Variants in DIAPH2 observed in about 807,000 individuals in gnomAD.
DIAPH2 encodes diaphanous related formin 2.
Under a neutral mutation model 92.7 loss-of-function variants are expected in DIAPH2, and 35 were observed. That is an observed-to-expected ratio of 0.38 (90% CI 0.29 to 0.50). The LOEUF (loss-of-function observed/expected upper bound fraction) is 0.50. DIAPH2 is among the 20% of genes least tolerant of loss of function. The pLI is 0.94. For missense variants in DIAPH2, 701 were observed against 819.5 expected (o/e 0.86, Z 1.77); for synonymous variants, 301 against 280.4 (o/e 1.07, Z -0.73).
At chrX:96,980,561 C>T (rs2065989660) in intron 17 of DIAPH2, among the ~76,000 whole-genome samples, 1 of 110,531 alleles carries the variant, frequency 9.0e-6, no homozygotes, top group Non-Finnish European at 1.9e-5. Context: ...TCACTGTGGG[C>T]CATGGTTCCA....
At chrX:96,812,943 A>C (rs2064697452) in intron 4 of DIAPH2, among the ~76,000 whole-genome samples, 1 of 111,431 alleles carries the variant, frequency 9.0e-6, no homozygotes, top group Non-Finnish European at 1.9e-5. Flanking sequence ...ACTTCCAACT[A>C]TGTGGTCAAT....
intron 4 of DIAPH2, among the ~76,000 whole-genome samples, chrX:96,879,171 T>G (rs1255032023): frequency 8.9e-6 from 1 of 111,777 alleles, no homozygotes; most frequent in African/African-American, 3.3e-5. Flanking sequence ...TAAATTTTCA[T>G]AGAGGTAATA....
At chrX:96,796,955 T>G (rs925792004) in intron 4 of DIAPH2, among the ~76,000 whole-genome samples, 7 of 112,070 alleles carry the variant, frequency 6.2e-5, no homozygotes, top group Non-Finnish European at 9.4e-5. Context: ...CTGAAGAATT[T>G]TCTTTAAGTA....
intron 8 of DIAPH2, 134 bp downstream of exon 8, chrX:96,916,708 T>A: frequency 1.5e-6 from 1 of 666,514 alleles, no homozygotes; most frequent in Non-Finnish European, 2.1e-6. Flanking sequence ...ATTGAAATTT[T>A]TATCTTGCCT....
At chrX:97,167,051 C>T (rs1420922805) in intron 22 of DIAPH2, among the ~76,000 whole-genome samples, 1 of 111,638 alleles carries the variant, frequency 9.0e-6, no homozygotes, top group African/African-American at 3.3e-5. Context: ...ATTCCTCTGC[C>T]ACATAGCGTT....
At chrX:97,146,006 CCT>C (rs1491315287) in intron 22 of DIAPH2, among the ~76,000 whole-genome samples, 4 of 35,872 alleles carry the variant, frequency 1.1e-4, no homozygotes, top group African/African-American at 2.8e-4. Flanking sequence ...TTTTCTTCTT[CCT>C]TTTTTTTTTT....
At chrX:96,962,486 C>CATATATAT (rs1268359722) in intron 16 of DIAPH2, among the ~76,000 whole-genome samples, 10 of 22,770 alleles carry the variant, frequency 4.4e-4, no homozygotes, top group African/African-American at 1.2e-3. Context: ...TATACACACA[C>CATATATAT]ACACACACAC....
intron 16 of DIAPH2, among the ~76,000 whole-genome samples, chrX:96,963,794 C>T (rs1018859635): frequency 9.0e-6 from 1 of 111,043 alleles, no homozygotes; most frequent in African/African-American, 3.3e-5. Flanking sequence ...GATATGAGTG[C>T]CACCTGCCTC....
chrX:96,936,872 G>A (rs1477457523), intron 10 of DIAPH2, among the ~76,000 whole-genome samples: 1 of 112,150 alleles, frequency 8.9e-6, no homozygotes. Context: ...AGAGGCATAT[G>A]TGAATGTTCT....
At chrX:96,713,520 A>C (rs902775787) in intron 1 of DIAPH2, among the ~76,000 whole-genome samples, 25 of 111,655 alleles carry the variant, frequency 2.2e-4, no homozygotes, top group African/African-American at 8.1e-4. Flanking sequence ...TCCATAGTTC[A>C]GGTTCACTCT....
At chrX:97,050,070 T>C (rs1167495283) in intron 17 of DIAPH2, among the ~76,000 whole-genome samples, 1 of 111,402 alleles carries the variant, frequency 9.0e-6, no homozygotes, top group Non-Finnish European at 1.9e-5. Context: ...TATAACATGG[T>C]GACATTTGAT....
At chrX:96,866,239 G>T (rs1217311643) in intron 4 of DIAPH2, among the ~76,000 whole-genome samples, 1 of 111,842 alleles carries the variant, frequency 8.9e-6, no homozygotes, top group Non-Finnish European at 1.9e-5. Context: ...TTAGGATCAT[G>T]CCTCGTTCCT....
At chrX:97,460,909 C>T (rs1411330452) in intron 26 of DIAPH2, among the ~76,000 whole-genome samples, 1 of 112,392 alleles carries the variant, frequency 8.9e-6, no homozygotes, top group Non-Finnish European at 1.9e-5. Flanking sequence ...AGTATATCAA[C>T]TAGCTTGTAT....
At chrX:97,026,763 T>A (rs1602727476) in intron 17 of DIAPH2, among the ~76,000 whole-genome samples, 1 of 104,341 alleles carries the variant, frequency 9.6e-6, no homozygotes, top group Admixed American at 1.0e-4. Context: ...GAAGATAGAG[T>A]TTTTTTTGTT....
chrX:97,577,391 T>TG (rs1341298650), intron 26 of DIAPH2, among the ~76,000 whole-genome samples: 1 of 112,319 alleles, frequency 8.9e-6, no homozygotes, highest in African/African-American at 3.2e-5. Context: ...GCTCATTCTC[T>TG]GCCATCCCAG....
chrX:96,906,083 G>A (rs1361538202), intron 5 of DIAPH2, among the ~76,000 whole-genome samples: 1 of 112,393 alleles, frequency 8.9e-6, no homozygotes, highest in African/African-American at 3.2e-5. Context: ...CAGCCGAGAT[G>A]GTGCCACTGC....
At position 96,685,073 on chromosome X, in the gene DIAPH2, G is replaced by T; in HGVS notation, c.15G>T (p.Gly5=). ...GCCGGAGAAAGATGGAGCAGCCCGGGGCGGCGGCGTCGGGAGCGGGAGGCG... is the reference window on the plus strand; with the variant it reads ...GCCGGAGAAAGATGGAGCAGCCCGGTGCGGCGGCGTCGGGAGCGGGAGGCG... MEQP[G]AAASGAGGGS... is the part of the protein sequence containing the mutation. Residue 5 remains glycine, a synonymous_variant, in exon 1 of 27, where the codon GGG becomes GGT. Transcript: ENST00000324765. The T allele has an allele frequency of 9.9e-7, 1 of 1,005,997 alleles. No individual in the cohort carries two copies. The highest frequency in any genetic ancestry group is 5.2e-5 in the Admixed American group (1 of 19,137). 82.9% of individuals were successfully genotyped at this position (1,005,997 alleles called of 1,213,427 possible).
rs772104104 is a variant in DIAPH2, at chrX:97,181,661, C to T, written c.2719+39867C>T. On this transcript the variant is annotated intron_variant, in intron 22 of 26. Coordinates refer to ENST00000324765, the MANE Select transcript of DIAPH2 (RefSeq NM_006729.5). The stretch of plus-strand genomic sequence containing the variant: ...CCGACCTCAGGTGATCCACCCGCCT[C>T]GGCCTCCCAAAGTGCTGGGATTACA... 1.2e-4 allele frequency among the ~76,000 whole-genome samples: 13 copies of T among 112,418 alleles called. No individual in the cohort carries two copies. In the East Asian group the frequency reaches 2.3e-3, roughly 20 times the overall value.
chrX:97,471,466 G>A (rs1040443239), intron 26 of DIAPH2, among the ~76,000 whole-genome samples: 7 of 110,402 alleles, frequency 6.3e-5, no homozygotes, highest in African/African-American at 9.9e-5. Context: ...CAAGGCGGGC[G>A]GATCACCTGA....
Sources: allele counts gnomAD v4.1 joint callset (sites outside exome capture counted in the v4.1 genomes callset), GRCh38; gene constraint gnomAD v4.1.1; transcripts MANE v1.5; gene names NCBI Gene and HGNC (gene_info 2026-07-23, HGNC 2026-07-21).